Variants in ZNF644 observed in about 807,000 individuals in gnomAD.
The protein encoded by ZNF644 is zinc finger protein 644.
Under a neutral mutation model 108.0 loss-of-function variants are expected in ZNF644, and 20 were observed. The observed-to-expected ratio is 0.19, with a 90% confidence interval of 0.13 to 0.27. The LOEUF is 0.27. Ranked by LOEUF, ZNF644 falls within the 10% of genes least tolerant of loss-of-function variation. The pLI is 1.00. For synonymous variants in ZNF644, 542 were observed against 539.1 expected, an observed-to-expected ratio of 1.01 and a Z score of -0.08; for missense variants, 1,338 against 1,548.9, an observed-to-expected ratio of 0.86 and a Z score of 2.29.
intron 4 of ZNF644, among the ~76,000 whole-genome samples, chr1:90,931,519 GAAGTAAAACAGCT>G: frequency 6.6e-6 from 1 of 152,160 alleles, no homozygotes; most frequent in South Asian, 2.1e-4. Flanking sequence ...TCGGGGAAAG[GAAGTAAAACAGCT>G]TCATAAATTA....
intron 1 of ZNF644, 63 bp from the exon 2 acceptor site, chr1:90,982,433 C>T (rs1656645221): frequency 3.0e-6 from 3 of 992,262 alleles, no homozygotes; most frequent in Non-Finnish European, 4.8e-6. Context: ...ATAACCATAG[C>T]TACAATACAC....
At chr1:90,992,560 T>C (rs1188404971) in intron 1 of ZNF644, among the ~76,000 whole-genome samples, 3 of 152,210 alleles carry the variant, frequency 2.0e-5, no homozygotes, top group African/African-American at 4.8e-5. Flanking sequence ...ACTGGACAGA[T>C]TGATATACAA....
chr1:90,935,260 C>G, intron 4 of ZNF644: 1 of 554,206 alleles, frequency 1.8e-6, no homozygotes, highest in Non-Finnish European at 2.3e-6. Flanking sequence ...TAACAGTTTA[C>G]AAGTTGCTGA....
intron 4 of ZNF644, among the ~76,000 whole-genome samples, chr1:90,928,586 G>T (rs1330338155): frequency 6.6e-6 from 1 of 151,972 alleles, no homozygotes; most frequent in African/African-American, 2.4e-5. Context: ...GCCTCCCAAA[G>T]TAATGGGATT....
intron 1 of ZNF644, among the ~76,000 whole-genome samples, chr1:91,016,663 C>A (rs551891026): frequency 6.6e-6 from 1 of 152,262 alleles, no homozygotes; most frequent in African/African-American, 2.4e-5. Flanking sequence ...GAAAGAGATA[C>A]TTTTAAGTAA....
chr1:90,987,257 T>G (rs1397068057), intron 1 of ZNF644, among the ~76,000 whole-genome samples: 6 of 148,898 alleles, frequency 4.0e-5, no homozygotes, highest in East Asian at 3.9e-4. Flanking sequence ...TTTTTTTTTT[T>G]TTTTTTTTTT....
In ZNF644 at chr1:90,939,145, G is replaced by C. The variant is rs1212676901; in HGVS notation, c.2209C>G (p.His737Asp). The C allele has an allele frequency of 5.0e-6, 8 of 1,613,718 alleles. No individual in the cohort carries two copies. The highest frequency in any genetic ancestry group is 6.8e-6 in the Non-Finnish European group (8 of 1,179,896). ...TCATATTTGTGTCTATACAAATAGT[G>C]GCTATTTGCCTTGGCATTAGACTTT... is the stretch of plus-strand genomic sequence containing the variant. ...KEKSNAKANSHYLYRHKYENY... is the reference protein window; with the variant it reads ...KEKSNAKANSDYLYRHKYENY... The change falls in exon 3 of 6, where the codon CAC becomes GAC. Residue 737 changes from histidine to aspartate, a missense_variant. Coordinates refer to ENST00000337393, the MANE Select transcript of ZNF644 (RefSeq NM_201269.3).
chr1:90,925,604 A>T (rs992895754), intron 4 of ZNF644, among the ~76,000 whole-genome samples: 6 of 143,516 alleles, frequency 4.2e-5, no homozygotes, highest in African/African-American at 1.0e-4. Flanking sequence ...AACATATATT[A>T]AAAAAAAAAA....
rs546463467 is a variant in ZNF644, at chr1:90,984,500, G to C, written c.-17-2130C>G. ...CCTCCCAGGTTCAAGCGATTCTCGT[G>C]CCTCAGCCTCCGAAGTAGCTAGGAC... On this transcript the variant is annotated intron_variant, in intron 1 of 5. Coordinates refer to ENST00000337393, the MANE Select transcript of ZNF644 (RefSeq NM_201269.3). 2.5e-4 allele frequency among the ~76,000 whole-genome samples: 38 copies of C among 151,912 alleles called. No individual in the cohort carries two copies. The South Asian group carries it at 4.4e-3, about 17-fold the overall frequency.
chr1:90,945,174 TAAG>T (rs1382098669), intron 2 of ZNF644, among the ~76,000 whole-genome samples: 6 of 152,064 alleles, frequency 3.9e-5, no homozygotes. Context: ...GCTAATAAAT[TAAG>T]ATAAATAAAC....
At chr1:90,920,150 T>C (rs376817288) in intron 4 of ZNF644, among the ~76,000 whole-genome samples, 1 of 152,168 alleles carries the variant, frequency 6.6e-6, no homozygotes, top group African/African-American at 2.4e-5. Flanking sequence ...CAGCTATTCT[T>C]TCCATCTGTA....
At chr1:90,976,239 C>T (rs965785447) in intron 2 of ZNF644, among the ~76,000 whole-genome samples, 4 of 152,166 alleles carry the variant, frequency 2.6e-5, no homozygotes, top group African/African-American at 9.7e-5. Flanking sequence ...GAAGCCTTTC[C>T]TGACTTCTTC....
At chr1:90,959,398 T>C (rs532517159) in intron 2 of ZNF644, among the ~76,000 whole-genome samples, 2 of 152,284 alleles carry the variant, frequency 1.3e-5, no homozygotes, top group Admixed American at 1.3e-4. Context: ...AATGCCTAGA[T>C]ATACATCCAG....
intron 2 of ZNF644, among the ~76,000 whole-genome samples, chr1:90,980,196 T>C (rs1042089324): frequency 1.3e-5 from 2 of 152,182 alleles, no homozygotes; most frequent in African/African-American, 4.8e-5. Context: ...AAACTCATAC[T>C]CTAATAAAGA....
At chr1:91,004,618 GT>G (rs1659233893) in intron 1 of ZNF644, among the ~76,000 whole-genome samples, 1 of 152,038 alleles carries the variant, frequency 6.6e-6, no homozygotes, top group African/African-American at 2.4e-5. Flanking sequence ...CAGTATAACT[GT>G]TTTCTCTTTG....
At chr1:90,966,043 G>A (rs747609945) in intron 2 of ZNF644, among the ~76,000 whole-genome samples, 5 of 152,012 alleles carry the variant, frequency 3.3e-5, no homozygotes, top group Admixed American at 6.6e-5. Flanking sequence ...GAGCCACCGC[G>A]CCTGGCCCCA....
At chr1:90,982,642 A>C (rs1421092143) in intron 1 of ZNF644, among the ~76,000 whole-genome samples, 1 of 152,090 alleles carries the variant, frequency 6.6e-6, no homozygotes, top group Non-Finnish European at 1.5e-5. Flanking sequence ...AAAAATTCTA[A>C]ATTGTTTTCA....
intron 2 of ZNF644, among the ~76,000 whole-genome samples, chr1:90,971,796 G>C (rs1655508956): frequency 6.6e-6 from 1 of 152,136 alleles, no homozygotes; most frequent in Non-Finnish European, 1.5e-5. Context: ...GAGAAGAGGT[G>C]AGAAGGAGAG....
intron 2 of ZNF644, among the ~76,000 whole-genome samples, chr1:90,955,511 C>A (rs961616248): frequency 1.3e-5 from 2 of 152,226 alleles, no homozygotes; most frequent in Admixed American, 6.5e-5. Flanking sequence ...TAGATCTCCT[C>A]GGTAATTTGC....
Sources: allele counts gnomAD v4.1 joint callset (sites outside exome capture counted in the v4.1 genomes callset), GRCh38; gene constraint gnomAD v4.1.1; transcripts MANE v1.5; gene names NCBI Gene and HGNC (gene_info 2026-07-23, HGNC 2026-07-21).